Variants in TMEM18 observed in about 807,000 individuals in gnomAD.
The protein encoded by TMEM18 is transmembrane protein 18.
A neutral mutation model predicts 17.4 loss-of-function variants in TMEM18; 14 were observed. The observed-to-expected ratio is 0.80, with a 90% CI of 0.53 to 1.25. The LOEUF (loss-of-function observed/expected upper bound fraction) is 1.25. Ranked by LOEUF, TMEM18 falls within the 50% of genes most tolerant of loss-of-function variation. TMEM18 has a pLI of 0.00. For missense variants in TMEM18, 187 were observed against 172.1 expected (o/e 1.09, Z -0.48); for synonymous variants, 86 against 66.1 (o/e 1.30, Z -1.46).
At chr2:675,900 G>T (rs1678991713) in intron 1 of TMEM18, 1 of 1,461,554 alleles carries the variant, frequency 6.8e-7, no homozygotes, top group Admixed American at 2.1e-5. Context: ...AGAACTGAAG[G>T]CATCTCTGAT....
intron 1 of TMEM18, 121 bp downstream of exon 1, chr2:677,168 G>T: frequency 1.5e-6 from 2 of 1,328,386 alleles, no homozygotes; most frequent in Non-Finnish European, 2.1e-6. Context: ...CGCGCGCTCC[G>T]CCACAAGGCC....
intron 1 of TMEM18, chr2:676,930 C>G (rs960974912): frequency 2.1e-6 from 1 of 473,504 alleles, no homozygotes; most frequent in Non-Finnish European, 3.7e-6. Flanking sequence ...GCCAGCCCAG[C>G]CCAAGCCCGG....
chr2:675,479 T>C, intron 2 of TMEM18, 31 bp downstream of exon 2: 4 of 1,613,962 alleles, frequency 2.5e-6, no homozygotes, highest in Non-Finnish European at 3.4e-6. Flanking sequence ...CACAGTGATC[T>C]GAGTTGTGGA....
At position 664,861 on chromosome 2, in the gene TMEM18, T is replaced by C. The variant is rs1678637091; in HGVS notation, c.*4719A>G. Among the ~76,000 whole-genome samples, 1 of 152,226 alleles carries C rather than the reference T, an allele frequency of 6.6e-6. No homozygotes were observed. The highest frequency in any genetic ancestry group is 2.4e-5 in the African/African-American group (1 of 41,456). On this transcript the variant is annotated 3_prime_UTR_variant, in exon 5 of 5. Transcript: ENST00000281017. The stretch of plus-strand genomic sequence containing the variant: ...AAAAACTCTGCATCTCTAATATCAG[T>C]AACTGGTTACGTAAATTCAGCCTAT...
intron 2 of TMEM18, among the ~76,000 whole-genome samples, chr2:674,297 A>G (rs4241323): frequency 0.82 from 124,485 of 152,164 alleles, 51,034 homozygotes; most frequent in Middle Eastern, 0.86. Flanking sequence ...TTTCTTTGAG[A>G]TGCCTGCCTC....
rs1025557868 is a variant in TMEM18 at position 666,712 on chromosome 2, C to T, written c.*2868G>A. Among the ~76,000 whole-genome samples the T allele has an allele frequency of 3.3e-5, 5 of 152,172 alleles. No individual in the cohort carries two copies. The highest frequency in any genetic ancestry group is 7.2e-5 in the African/African-American group (3 of 41,444). On this transcript the variant is annotated 3_prime_UTR_variant, in exon 5 of 5. Transcript: ENST00000281017. ...CCCTGGCTCGCTCCCTTCCTGCCTC[C>T]GAGAACTCTGCATGTGGAGCCCAGC...
Position 677,268 on chromosome 2 carries a change from G to C in TMEM18, c.57+21C>G, listed in dbSNP as rs1368028321. The C allele has an allele frequency of 3.1e-6, 5 of 1,607,094 alleles. No individual in the cohort carries two copies. In the Admixed American group the frequency reaches 6.7e-5, roughly 22 times the overall value. ...TCCGCCGTCCTCCCCCGAACTGGTG[G>C]TTACGCGGGCCGCGAGTTACCGTGA... On this transcript the variant is annotated intron_variant, in intron 1 of 4. Coordinates refer to ENST00000281017, the MANE Select transcript of TMEM18 (RefSeq NM_152834.4).
chr2:663,907 C>G lies in TMEM18; in HGVS notation c.*5673G>C, dbSNP rs144884709. 1.1e-4 allele frequency among the ~76,000 whole-genome samples: 17 copies of G among 152,290 alleles called. No homozygotes were observed. The East Asian group carries it at 2.9e-3, about 26-fold the overall frequency. ...AGAGCAAAAAAGCCAACATGAGTAA[C>G]TTTATTTATAAAGGTGTCACAGTTC... On this transcript the variant is annotated 3_prime_UTR_variant, in exon 5 of 5. Transcript: ENST00000281017.
rs144239997 is a variant in TMEM18 at position 667,374 on chromosome 2, A to G, written c.*2206T>C. ...TATTTTATTGCATAGCAATCGATAA[A>G]CGTAAGGTGTCACAGGTTTGGAATG... is the stretch of plus-strand genomic sequence containing the variant. On this transcript the variant is annotated 3_prime_UTR_variant, in exon 5 of 5. Coordinates refer to ENST00000281017, the MANE Select transcript of TMEM18 (RefSeq NM_152834.4). The G allele has an allele frequency of 3.1e-4, 47 of 152,310 alleles. No homozygotes were observed. Among genetic ancestry groups the G allele is most frequent in the African/African-American group, 1.0e-3 (43 of 41,560 alleles). 9.4% of individuals were successfully genotyped at this position (152,310 alleles called of 1,614,324 possible). A position where few individuals can be genotyped will look rare whatever the true frequency, so the allele number is the denominator to read the frequency against.
intron 2 of TMEM18, 134 bp downstream of exon 2, chr2:675,376 C>T: frequency 7.4e-7 from 1 of 1,343,376 alleles, no homozygotes; most frequent in Non-Finnish European, 1.0e-6. Flanking sequence ...CGGGAGTGCC[C>T]TGGGAGCAGG....
chr2:674,505 TG>T (rs1678942810), intron 2 of TMEM18, among the ~76,000 whole-genome samples: 1 of 152,226 alleles, frequency 6.6e-6, no homozygotes, highest in African/African-American at 2.4e-5. Flanking sequence ...GATGAATCAC[TG>T]GTGCTGGTGT....
At chr2:676,802 A>C in intron 1 of TMEM18, 1 of 707,934 alleles carries the variant, frequency 1.4e-6, no homozygotes, top group Non-Finnish European at 2.3e-6. Context: ...ATCCGCCCAC[A>C]TGGCCCAAGC....
At position 665,461 on chromosome 2, in the gene TMEM18, G is replaced by T. The variant is rs1572406163; in HGVS notation, c.*4119C>A. On this transcript the variant is annotated 3_prime_UTR_variant, in exon 5 of 5. Transcript: ENST00000281017. ...GAGATGCAGATGCTCCACTCACTCA[G>T]ATAGAGAATCAACTCCACATACAAC... Among the ~76,000 whole-genome samples the T allele has an allele frequency of 3.3e-5, 5 of 151,174 alleles. No individual in the cohort carries two copies. The East Asian group carries it at 9.8e-4, about 30-fold the overall frequency.
chr2:672,463 A>G (rs1166558411), intron 3 of TMEM18, among the ~76,000 whole-genome samples: 2 of 152,168 alleles, frequency 1.3e-5, no homozygotes, highest in Non-Finnish European at 2.9e-5. Flanking sequence ...GCCACCCTGC[A>G]GTCCAAGGGG....
At chr2:677,119 C>T in intron 1 of TMEM18, 170 bp downstream of exon 1, 1 of 799,952 alleles carries the variant, frequency 1.3e-6, no homozygotes, top group Non-Finnish European at 1.9e-6. Context: ...CGACGCCGGC[C>T]CCGAGCCACT....
rs1192876508 is a variant in TMEM18, at chr2:667,292, A to G, written c.*2288T>C. On this transcript the variant is annotated 3_prime_UTR_variant, in exon 5 of 5. Transcript: ENST00000281017. ...TGTTTCCAGTTACAGTAAGGTGCAA[A>G]ACAAATACCATTTTTTTGAAAAAAA... The G allele has an allele frequency of 6.6e-6, 1 of 152,160 alleles. No homozygotes were observed. The highest frequency in any genetic ancestry group is 1.5e-5 in the Non-Finnish European group (1 of 68,034). The allele number at this position is 152,160 out of a possible 1,614,324, so 9.4% of individuals were successfully genotyped here. A position where few individuals can be genotyped will look rare whatever the true frequency, so the allele number is the denominator to read the frequency against.
At chr2:673,389 G>A (rs1678909724) in intron 2 of TMEM18, among the ~76,000 whole-genome samples, 1 of 150,686 alleles carries the variant, frequency 6.6e-6, no homozygotes, top group Non-Finnish European at 1.5e-5. Context: ...AGCAGCTGGT[G>A]GGGGCAGGGC....
At position 676,340 on chromosome 2, in the gene TMEM18, A is replaced by G. The variant is rs114515629; in HGVS notation, c.58-710T>C. The G allele has an allele frequency of 2.5e-3, 3,714 of 1,464,252 alleles. 76 individuals are homozygous for G. In the African/African-American group the frequency reaches 0.048, roughly 19 times the overall value. The allele number at this position is 1,464,252 out of a possible 1,614,324, so 90.7% of individuals were successfully genotyped here. On this transcript the variant is annotated intron_variant, in intron 1 of 4. Transcript: ENST00000281017. ...CAGATGCCAATCCCAGCAGTCCTCA[A>G]CCCTCCCCATCCCCTCCTTGAGCGC...
At chr2:676,202 T>C in intron 1 of TMEM18, 2 of 1,369,904 alleles carry the variant, frequency 1.5e-6, no homozygotes, top group Non-Finnish European at 1.9e-6. Context: ...AGTGCCGCAC[T>C]CCGCCGCCTC....
Sources: gnomAD v4.1 joint callset for allele counts (sites outside exome capture counted in the v4.1 genomes callset) on GRCh38, gnomAD v4.1.1 for gene constraint, MANE v1.5 for transcripts, NCBI Gene and HGNC (gene_info 2026-07-23, HGNC 2026-07-21) for gene names.